Variants in STK17A observed in about 807,000 individuals in gnomAD.
The protein encoded by STK17A is serine/threonine kinase 17a.
Under a neutral mutation model 43.7 loss-of-function variants are expected in STK17A, and 26 were observed. The ratio of observed to expected loss-of-function variants is 0.60; its 90% confidence interval spans 0.44 to 0.83. The LOEUF (loss-of-function observed/expected upper bound fraction) is 0.83, where lower values mean the gene tolerates loss of function less well. STK17A is among the 40% of genes least tolerant of loss of function. The pLI is 0.00. For missense variants in STK17A, 476 were observed against 511.6 expected, an observed-to-expected ratio of 0.93 and a Z score of 0.67; for synonymous variants, 191 against 182.5, an observed-to-expected ratio of 1.05 and a Z score of -0.38.
chr7:43,583,348 G>GCCGCCC lies in STK17A; in HGVS notation c.107_112dup (p.Pro36_Pro37dup), dbSNP rs1308148807. 3.5e-6 allele frequency: 5 copies of GCCGCCC among 1,432,200 alleles called. No individual in the cohort carries two copies. The highest frequency in any genetic ancestry group is 6.2e-5 in the East Asian group (2 of 32,374). 88.7% of individuals were successfully genotyped at this position (1,432,200 alleles called of 1,614,324 possible). On this transcript the variant is annotated inframe_insertion, in exon 1 of 7. Transcript: ENST00000319357. ...TGAGCGGGCCGTGCCGGCCGCCGCC[G>GCCGCCC]CCGCCCCAGGCCCGCGGGCTGCTGA... is the stretch of plus-strand genomic sequence containing the variant.
At chr7:43,597,792 G>T (rs940047428) in intron 2 of STK17A, among the ~76,000 whole-genome samples, 2 of 152,112 alleles carry the variant, frequency 1.3e-5, no homozygotes, top group Non-Finnish European at 2.9e-5. Context: ...AATTAGCTGG[G>T]AGTGGTGGTG....
intron 3 of STK17A, among the ~76,000 whole-genome samples, chr7:43,612,667 T>C (rs1319173624): frequency 1.3e-5 from 2 of 152,222 alleles, no homozygotes. Flanking sequence ...ACTGTTATAG[T>C]TGCTTCTATT....
intron 4 of STK17A, among the ~76,000 whole-genome samples, chr7:43,622,075 C>T (rs911083564): frequency 2.0e-5 from 3 of 152,166 alleles, no homozygotes; most frequent in African/African-American, 7.2e-5. Flanking sequence ...ATTTGCTGTA[C>T]AAAGCCCTTA....
intron 6 of STK17A, 82 bp from the exon 7 acceptor site, chr7:43,624,436 A>G: frequency 4.5e-6 from 6 of 1,319,712 alleles, no homozygotes; most frequent in Non-Finnish European, 6.0e-6. Flanking sequence ...CCCAAAATAT[A>G]ATGCAATAAA....
intron 1 of STK17A, among the ~76,000 whole-genome samples, chr7:43,594,970 A>G (rs139410564): frequency 2.6e-5 from 4 of 152,128 alleles, no homozygotes; most frequent in African/African-American, 9.6e-5. Flanking sequence ...TGCCACTTAT[A>G]GGGTTCAAGC....
chr7:43,624,861 A>G lies in STK17A; in HGVS notation c.*19A>G. On this transcript the variant is annotated 3_prime_UTR_variant, in exon 7 of 7. Transcript: ENST00000319357. ...CTACTGAGCAATATTTCCCTTTAGA[A>G]CTTCAAGATTTCTACATTGAAAATG... is the stretch of plus-strand genomic sequence containing the variant. The G allele has an allele frequency of 6.4e-7, 1 of 1,560,762 alleles. No individual in the cohort carries two copies.
At chr7:43,589,507 T>C (rs1054235279) in intron 1 of STK17A, among the ~76,000 whole-genome samples, 4 of 149,714 alleles carry the variant, frequency 2.7e-5, no homozygotes, top group Non-Finnish European at 6.0e-5. Context: ...AACACTTGAA[T>C]TTGTATTTGG....
At chr7:43,585,154 G>GC (rs1009894779) in intron 1 of STK17A, among the ~76,000 whole-genome samples, 1 of 151,944 alleles carries the variant, frequency 6.6e-6, no homozygotes, top group Non-Finnish European at 1.5e-5. Flanking sequence ...CCAAGATCGC[G>GC]CCGTTGCACT....
chr7:43,597,320 C>A (rs1298826177), intron 2 of STK17A, among the ~76,000 whole-genome samples: 1 of 151,700 alleles, frequency 6.6e-6, no homozygotes, highest in African/African-American at 2.4e-5. Flanking sequence ...GAAAAAAAAT[C>A]CTAAAAAATT....
At chr7:43,594,958 A>G (rs895111709) in intron 1 of STK17A, among the ~76,000 whole-genome samples, 1 of 151,918 alleles carries the variant, frequency 6.6e-6, no homozygotes, top group African/African-American at 2.4e-5. Context: ...GTTACTGTCA[A>G]GTGCCACTTA....
chr7:43,619,858 TGGA>T, intron 4 of STK17A, 135 bp downstream of exon 4: 1 of 1,212,402 alleles, frequency 8.2e-7, no homozygotes, highest in South Asian at 1.5e-5. Flanking sequence ...TCTATTCCTT[TGGA>T]TTACATTTTA....
rs1210403435 is a variant in STK17A, at chr7:43,583,388, G to C, written c.145G>C (p.Val49Leu). 4.1e-6 allele frequency: 6 copies of C among 1,446,824 alleles called. No homozygotes were observed. In the African/African-American group the frequency reaches 8.9e-5, roughly 21 times the overall value. 89.6% of individuals were successfully genotyped at this position (1,446,824 alleles called of 1,614,324 possible). A position where few individuals can be genotyped will look rare whatever the true frequency, so the allele number is the denominator to read the frequency against. The change falls in exon 1 of 7, where the codon GTG becomes CTG. Residue 49 changes from valine (V) to leucine (L), a missense_variant. Coordinates refer to ENST00000319357, the MANE Select transcript of STK17A (RefSeq NM_004760.3). ...ARGLLTEIRA[V>L]VRTEPFQDGY... The stretch of plus-strand genomic sequence containing the variant: ...CGGGCTGCTGACAGAGATACGCGCC[G>C]TGGTGCGCACCGAGCCCTTCCAGGA...
intron 2 of STK17A, among the ~76,000 whole-genome samples, 160 bp from the exon 3 acceptor site, chr7:43,608,096 A>G (rs1283198632): frequency 6.6e-6 from 1 of 152,240 alleles, no homozygotes; most frequent in Non-Finnish European, 1.5e-5. Context: ...AGCCTGGGCA[A>G]CATAGTGAGG....
Position 43,626,396 on chromosome 7 carries a change from T to C in STK17A, c.*1554T>C, listed in dbSNP as rs1469393173. 3 of 152,248 alleles carry C rather than the reference T, an allele frequency of 2.0e-5. No homozygotes were observed. The highest frequency in any genetic ancestry group is 4.4e-5 in the Non-Finnish European group (3 of 68,038). 9.4% of individuals were successfully genotyped at this position (152,248 alleles called of 1,614,324 possible). A position where few individuals can be genotyped will look rare whatever the true frequency, so the allele number is the denominator to read the frequency against. On this transcript the variant is annotated 3_prime_UTR_variant, in exon 7 of 7. Coordinates refer to ENST00000319357, the MANE Select transcript of STK17A (RefSeq NM_004760.3). ...TGTCAAAGCACCTGGGAGTGCCCTT[T>C]ACACCATTAGGTGAAATTCATCAGG...
intron 1 of STK17A, among the ~76,000 whole-genome samples, chr7:43,590,107 G>A (rs2082470034): frequency 6.7e-6 from 1 of 150,192 alleles, no homozygotes; most frequent in Admixed American, 6.6e-5. Flanking sequence ...AACCACGCCT[G>A]TCTAATTTTT....
intron 1 of STK17A, among the ~76,000 whole-genome samples, 159 bp from the exon 2 acceptor site, chr7:43,595,742 G>A (rs1310373856): frequency 2.6e-5 from 4 of 152,164 alleles, no homozygotes; most frequent in Non-Finnish European, 2.9e-5. Context: ...TAAATCTATA[G>A]ATGTAGCCTA....
chr7:43,590,740 T>C (rs2082474174), intron 1 of STK17A, among the ~76,000 whole-genome samples: 1 of 151,444 alleles, frequency 6.6e-6, no homozygotes, highest in South Asian at 2.1e-4. Flanking sequence ...GAGAGCTGTA[T>C]ATAACCATGG....
chr7:43,605,551 T>A (rs2082583019), intron 2 of STK17A, among the ~76,000 whole-genome samples: 1 of 152,086 alleles, frequency 6.6e-6, no homozygotes, highest in South Asian at 2.1e-4. Context: ...ATTGAGCAGA[T>A]CTCTTTGTGC....
Position 43,583,344 on chromosome 7 carries a change from C to T in STK17A, c.101C>T (p.Pro34Leu), listed in dbSNP as rs1444118710. Residue 34 changes from proline to leucine, a missense_variant, in exon 1 of 7, where the codon CCG becomes CTG. This residue lies in a region of STK17A where 320 missense variants were observed against 326.3 expected (regional missense o/e 0.98). Transcript: ENST00000319357. ...GRGLSGPCRPPPPPQARGLLT... is the reference protein window; with the variant it reads ...GRGLSGPCRPLPPPQARGLLT... ...GGTCTGAGCGGGCCGTGCCGGCCGC[C>T]GCCGCCGCCCCAGGCCCGCGGGCTG... 3 of 1,435,278 alleles carry T rather than the reference C, an allele frequency of 2.1e-6. No homozygotes were observed. The highest frequency in any genetic ancestry group is 5.9e-5 in the Admixed American group (2 of 34,176). 88.9% of individuals were successfully genotyped at this position (1,435,278 alleles called of 1,614,324 possible).
Sources: allele counts gnomAD v4.1 joint callset (sites outside exome capture counted in the v4.1 genomes callset), GRCh38; gene constraint gnomAD v4.1.1; regional missense constraint gnomAD v4.1.1; transcripts MANE v1.5; gene names NCBI Gene and HGNC (gene_info 2026-07-23, HGNC 2026-07-21).